The following PMS1 variants were observed in gnomAD, a reference collection of about 807,000 sequenced individuals.
PMS1 encodes the protein PMS1 protein homolog 1.
Under a neutral mutation model 93.1 loss-of-function variants are expected in PMS1, and 79 were observed. That is an observed-to-expected ratio of 0.85 (90% confidence interval 0.71 to 1.02). The LOEUF (loss-of-function observed/expected upper bound fraction) is 1.02, where lower values mean the gene tolerates loss of function less well. Among genes scored for constraint, PMS1 ranks in the 50% least tolerant of loss-of-function variants. PMS1 has a pLI of 0.00. For missense variants in PMS1, 1,064 were observed against 1,085.3 expected (o/e 0.98, Z 0.28); for synonymous variants, 335 against 363.4 (o/e 0.92, Z 0.89).
Position 189,854,407 on chromosome 2 carries a change from A to T in PMS1, c.1135A>T (p.Asn379Tyr). 6.2e-7 allele frequency: 1 copy of T among 1,605,234 alleles called. No homozygotes were observed. Among genetic ancestry groups the T allele is most frequent in the Non-Finnish European group, 8.5e-7 (1 of 1,174,070 alleles). ...LFNKVESSGKNYSNVDTSVIP... is the reference protein window; with the variant it reads ...LFNKVESSGKYYSNVDTSVIP... ...TAATAAAGTGGAATCATCTGGAAAG[A>T]ATTATTCAAATGTTGATACTTCAGT... Residue 379 changes from asparagine to tyrosine, a missense_variant, in exon 9 of 13, where the codon AAT (asparagine) becomes TAT (tyrosine). By Grantham distance (143) the Asn-to-Tyr change is moderately radical. Coordinates refer to ENST00000441310, the MANE Select transcript of PMS1 (RefSeq NM_000534.5).
At chr2:189,789,933 A>G (rs1235979842) in intron 1 of PMS1, among the ~76,000 whole-genome samples, 1 of 152,186 alleles carries the variant, frequency 6.6e-6, no homozygotes, top group Non-Finnish European at 1.5e-5. Flanking sequence ...CCCTCCCTGC[A>G]TGCTTTACAG....
At position 189,864,686 on chromosome 2, in the gene PMS1, AAATATATATATATATATATATATATAT is replaced by A. The variant is rs1559324550; in HGVS notation, c.2342+460_2342+486del. 2.9e-4 allele frequency among the ~76,000 whole-genome samples: 9 copies of A among 31,452 alleles called. No individual in the cohort carries two copies. In the South Asian group the frequency reaches 3.4e-3, roughly 12 times the overall value. The allele number at this position is 31,452 out of a possible 152,430, so 20.6% of individuals were successfully genotyped here. A position where few individuals can be genotyped will look rare whatever the true frequency, so the allele number is the denominator to read the frequency against. On this transcript the variant is annotated intron_variant, in intron 10 of 12. Coordinates refer to ENST00000441310, the MANE Select transcript of PMS1 (RefSeq NM_000534.5). ...AAAAAAAAAAAAAAAAAAAAAAAAA[AAATATATATATATATATATATATATAT>A]ATATATATATATATATATATATGAT...
intron 6 of PMS1, among the ~76,000 whole-genome samples, chr2:189,846,575 A>G (rs1178480869): frequency 2.6e-5 from 4 of 151,594 alleles, no homozygotes; most frequent in African/African-American, 9.7e-5. Flanking sequence ...GCTACTTGGG[A>G]GGCTGAGGTG....
chr2:189,870,718 A>G (rs1320495391), intron 11 of PMS1, among the ~76,000 whole-genome samples: 1 of 152,244 alleles, frequency 6.6e-6, no homozygotes, highest in African/African-American at 2.4e-5. Context: ...AAAACTACCA[A>G]TAGTGAAAAA....
intron 5 of PMS1, among the ~76,000 whole-genome samples, chr2:189,827,907 A>G (rs923874904): frequency 2.7e-5 from 4 of 148,646 alleles, no homozygotes; most frequent in Admixed American, 2.7e-4. Flanking sequence ...GGTTAGGAAA[A>G]ATAAGGTTTT....
chr2:189,849,867 C>CTTTTTTTTT, intron 6 of PMS1, among the ~76,000 whole-genome samples: 2 of 118,896 alleles, frequency 1.7e-5, no homozygotes, highest in Non-Finnish European at 3.5e-5. Flanking sequence ...TATTTTTAAA[C>CTTTTTTTTT]TTTTTTTTTT....
At chr2:189,858,868 G>C (rs1559313798) in intron 9 of PMS1, among the ~76,000 whole-genome samples, 2 of 151,986 alleles carry the variant, frequency 1.3e-5, no homozygotes, top group Admixed American at 6.6e-5. Context: ...CTCTTATTCA[G>C]GTAACATTTC....
At position 189,852,791 on chromosome 2, in the gene PMS1, G is replaced by GA. The variant is rs759972095; in HGVS notation, c.822+24dup. The GA allele has an allele frequency of 5.6e-3, 7,942 of 1,428,168 alleles. No individual in the cohort carries two copies. Among genetic ancestry groups the GA allele is most frequent in the Non-Finnish European group, 6.7e-3 (6,941 of 1,038,734 alleles). The allele number at this position is 1,428,168 out of a possible 1,614,324, so 88.5% of individuals were successfully genotyped here. On this transcript the variant is annotated intron_variant, in intron 7 of 12. Coordinates refer to ENST00000441310, the MANE Select transcript of PMS1 (RefSeq NM_000534.5). ...GATATCTTAAAGGTAGTATGCTTTA[G>GA]AAAAAAAAAATTATTTGAATTGGAA...
At chr2:189,841,145 T>A (rs1303061191) in intron 5 of PMS1, among the ~76,000 whole-genome samples, 1 of 152,180 alleles carries the variant, frequency 6.6e-6, no homozygotes, top group Non-Finnish European at 1.5e-5. Context: ...CTTGGTTCCA[T>A]GACCTACTAT....
chr2:189,855,496 T>C (rs1181583400), intron 9 of PMS1, among the ~76,000 whole-genome samples: 1 of 151,944 alleles, frequency 6.6e-6, no homozygotes, highest in African/African-American at 2.4e-5. Flanking sequence ...TAAAAAAGCT[T>C]TTGCATTGGA....
intron 5 of PMS1, among the ~76,000 whole-genome samples, chr2:189,841,108 T>G (rs1308645689): frequency 6.6e-6 from 1 of 152,196 alleles, no homozygotes; most frequent in Admixed American, 6.5e-5. Flanking sequence ...GAGTGAATGT[T>G]TAGAGCCAAA....
At chr2:189,802,265 A>G (rs1036553989) in intron 3 of PMS1, among the ~76,000 whole-genome samples, 1 of 152,126 alleles carries the variant, frequency 6.6e-6, no homozygotes, top group African/African-American at 2.4e-5. Context: ...AAACTTAACT[A>G]CTGTTGACCG....
chr2:189,859,932 CT>C (rs1559315108), intron 9 of PMS1, among the ~76,000 whole-genome samples: 1 of 152,054 alleles, frequency 6.6e-6, no homozygotes, highest in African/African-American at 2.4e-5. Context: ...AAAAATTTTC[CT>C]TAATGTTGTT....
At chr2:189,792,264 A>T (rs2048932855) in intron 2 of PMS1, among the ~76,000 whole-genome samples, 3 of 151,974 alleles carry the variant, frequency 2.0e-5, no homozygotes. Context: ...TATTTTTTCC[A>T]TCTAATCTAA....
chr2:189,787,707 C>T (rs949704754), intron 1 of PMS1, among the ~76,000 whole-genome samples: 1 of 151,902 alleles, frequency 6.6e-6, no homozygotes, highest in Non-Finnish European at 1.5e-5. Context: ...GTTAAAATGG[C>T]AGGCTCTGAA....
chr2:189,805,831 C>A, intron 4 of PMS1, 77 bp downstream of exon 4: 1 of 1,583,548 alleles, frequency 6.3e-7, no homozygotes, highest in South Asian at 1.1e-5. Context: ...AAAAGTTACT[C>A]GGTGAATACA....
intron 10 of PMS1, among the ~76,000 whole-genome samples, chr2:189,866,765 A>G (rs1048451171): frequency 2.0e-5 from 3 of 152,218 alleles, no homozygotes; most frequent in Admixed American, 2.0e-4. Context: ...CTGAAATGTA[A>G]TGGTTAAATA....
intron 6 of PMS1, among the ~76,000 whole-genome samples, chr2:189,848,350 C>T (rs2054421828): frequency 1.3e-5 from 2 of 152,180 alleles, no homozygotes; most frequent in East Asian, 3.9e-4. Context: ...TCGACTGAAT[C>T]AGAATCTGCA....
intron 1 of PMS1, among the ~76,000 whole-genome samples, chr2:189,790,836 A>G (rs2048799838): frequency 2.0e-5 from 3 of 152,184 alleles, no homozygotes; most frequent in Admixed American, 2.0e-4. Context: ...AAAAGAATTG[A>G]TAGGATTTAG....
Sources: allele counts gnomAD v4.1 joint callset (sites outside exome capture counted in the v4.1 genomes callset), GRCh38; gene constraint gnomAD v4.1.1; transcripts MANE v1.5; gene names NCBI Gene and HGNC (gene_info 2026-07-23, HGNC 2026-07-21).